PTPN14: variants seen among roughly 807,000 people sequenced by gnomAD.
The protein encoded by PTPN14 is protein tyrosine phosphatase non-receptor type 14.
Under a neutral mutation model 126.8 loss-of-function variants are expected in PTPN14, and 53 were observed. The ratio of observed to expected loss-of-function variants is 0.42; its 90% CI spans 0.34 to 0.53. The LOEUF (loss-of-function observed/expected upper bound fraction) is 0.53. Ranked by LOEUF, PTPN14 falls within the 20% of genes least tolerant of loss-of-function variation. The pLI, the probability that PTPN14 is intolerant of heterozygous loss-of-function variation, is 0.08. For synonymous variants in PTPN14, 630 were observed against 599.3 expected, an observed-to-expected ratio of 1.05 and a Z score of -0.75; for missense variants, 1,257 against 1,552.9, an observed-to-expected ratio of 0.81 and a Z score of 3.20.
intron 1 of PTPN14, among the ~76,000 whole-genome samples, chr1:214,501,364 C>G (rs902452212): frequency 2.0e-5 from 3 of 152,076 alleles, no homozygotes; most frequent in African/African-American, 7.2e-5. Flanking sequence ...CTCAGCCTCC[C>G]GAGTGGCTGG....
rs1656032700 is a variant in PTPN14, at chr1:214,548,702, T to A, written c.-155+2481A>T. Among the ~76,000 whole-genome samples the A allele has an allele frequency of 2.0e-5, 3 of 152,130 alleles. No homozygotes were observed. The South Asian group carries it at 6.2e-4, about 31-fold the overall frequency. Reference sequence around the variant, plus strand: ...TGATGTTTGCTTCCCCGGAGCAAATTTAAACCTCTAATAAGGAAGGAAGGC... The same window carrying A: ...TGATGTTTGCTTCCCCGGAGCAAATATAAACCTCTAATAAGGAAGGAAGGC... On this transcript the variant is annotated intron_variant, in intron 1 of 18. Coordinates refer to ENST00000366956, the MANE Select transcript of PTPN14 (RefSeq NM_005401.5).
intron 3 of PTPN14, among the ~76,000 whole-genome samples, chr1:214,420,193 A>G (rs1659513854): frequency 6.6e-6 from 1 of 152,252 alleles, no homozygotes; most frequent in Non-Finnish European, 1.5e-5. Context: ...AAAAGCTACA[A>G]CTAAAACTCT....
chr1:214,501,720 G>A (rs768518765), intron 1 of PTPN14, among the ~76,000 whole-genome samples: 1 of 152,108 alleles, frequency 6.6e-6, no homozygotes, highest in Non-Finnish European at 1.5e-5. Flanking sequence ...GCGTAGTATA[G>A]AGAAAAACCA....
intron 1 of PTPN14, among the ~76,000 whole-genome samples, chr1:214,486,460 A>G (rs746864029): frequency 5.3e-5 from 8 of 152,244 alleles, no homozygotes; most frequent in African/African-American, 1.9e-4. Flanking sequence ...AGTGGGATAC[A>G]GCAAAGTAAG....
In PTPN14 at chr1:214,384,288, C is replaced by A; in HGVS notation, c.1567G>T (p.Val523Leu). ...CTTGCCCCCGGCTTGCTTGGTACCA[C>A]ATTATTCTTTGGGTTCCTCTGGTCA... ...PSDQRNPKNN[V>L]VPSKPGASAI... The change falls in exon 13 of 19, where the codon GTG (valine) becomes TTG (leucine). Residue 523 changes from valine (V) to leucine (L), a missense_variant. Transcript: ENST00000366956. The surrounding 1 kb of genome is among the most constrained non-coding windows in gnomAD (Gnocchi z 5.3). The A allele has an allele frequency of 6.2e-7, 1 of 1,614,200 alleles. No homozygotes were observed. The highest frequency in any genetic ancestry group is 8.5e-7 in the Non-Finnish European group (1 of 1,180,026).
In PTPN14 at chr1:214,355,389, G is replaced by A. The variant is rs1354902608; in HGVS notation, c.*2533C>T. 6.6e-6 allele frequency: 1 copy of A among 152,200 alleles called. No homozygotes were observed. The highest frequency in any genetic ancestry group is 1.5e-5 in the Non-Finnish European group (1 of 68,034). The allele number at this position is 152,200 out of a possible 1,614,324, so 9.4% of individuals were successfully genotyped here. A position where few individuals can be genotyped will look rare whatever the true frequency, so the allele number is the denominator to read the frequency against. On this transcript the variant is annotated 3_prime_UTR_variant, in exon 19 of 19. Transcript: ENST00000366956. ...TTCATCACGCAATAAACCAGTAACT[G>A]AGACCACTTGCTAAAACATCCCTAA...
chr1:214,549,858 C>T (rs1220645620), intron 1 of PTPN14, among the ~76,000 whole-genome samples: 1 of 152,172 alleles, frequency 6.6e-6, no homozygotes, highest in East Asian at 1.9e-4. Flanking sequence ...AAGTGGCTAA[C>T]GTGCTTCTAG....
intron 1 of PTPN14, among the ~76,000 whole-genome samples, chr1:214,540,909 T>C (rs1463612768): frequency 6.6e-6 from 1 of 152,126 alleles, no homozygotes; most frequent in African/African-American, 2.4e-5. Flanking sequence ...GTTTTGAAGT[T>C]TTTTTGGACA....
chr1:214,534,917 C>T (rs537963894), intron 1 of PTPN14, among the ~76,000 whole-genome samples: 21 of 152,074 alleles, frequency 1.4e-4, no homozygotes, highest in African/African-American at 4.6e-4. Flanking sequence ...ACCTATTCAC[C>T]ATCCCCTCGC....
chr1:214,377,454 T>C (rs1658369750), intron 14 of PTPN14, among the ~76,000 whole-genome samples: 2 of 152,136 alleles, frequency 1.3e-5, no homozygotes, highest in South Asian at 4.2e-4. Flanking sequence ...GATGAAATAA[T>C]ACGTACAACA....
chr1:214,547,348 C>G (rs1655997977), intron 1 of PTPN14, among the ~76,000 whole-genome samples: 1 of 152,178 alleles, frequency 6.6e-6, no homozygotes, highest in South Asian at 2.1e-4. Context: ...AAAGATTTAA[C>G]CAATTCTTTG....
intron 13 of PTPN14, among the ~76,000 whole-genome samples, chr1:214,379,144 T>C (rs1278677909): frequency 6.6e-6 from 1 of 152,166 alleles, no homozygotes. Flanking sequence ...GCATTCCTCA[T>C]AGAAGCAGAT....
At chr1:214,403,576 G>C (rs1659089236) in intron 5 of PTPN14, among the ~76,000 whole-genome samples, 2 of 152,280 alleles carry the variant, frequency 1.3e-5, no homozygotes, top group Non-Finnish European at 2.9e-5. Context: ...GTGATGTGCT[G>C]ACTACTATGG....
intron 1 of PTPN14, among the ~76,000 whole-genome samples, chr1:214,472,907 T>A (rs1013778853): frequency 6.6e-6 from 1 of 152,208 alleles, no homozygotes; most frequent in Admixed American, 6.5e-5. Context: ...ATAAAAAGTG[T>A]TGTAGTGTGC....
Position 214,357,776 on chromosome 1 carries a change from T to A in PTPN14, c.*146A>T. 1 of 593,424 alleles carries A rather than the reference T, an allele frequency of 1.7e-6. No homozygotes were observed. The highest frequency in any genetic ancestry group is 3.0e-6 in the Non-Finnish European group (1 of 331,134). 36.8% of individuals were successfully genotyped at this position (593,424 alleles called of 1,614,324 possible). On this transcript the variant is annotated 3_prime_UTR_variant, in exon 19 of 19. Coordinates refer to ENST00000366956, the MANE Select transcript of PTPN14 (RefSeq NM_005401.5). ...CTCATATAAAATAATACATGGTATGTGTGAATAATCTTGGCTACTGTCTTC... is the reference window on the plus strand; with the variant it reads ...CTCATATAAAATAATACATGGTATGAGTGAATAATCTTGGCTACTGTCTTC...
chr1:214,531,397 T>G (rs1310212172), intron 1 of PTPN14: 2 of 152,070 alleles, frequency 1.3e-5, no homozygotes, highest in Non-Finnish European at 2.9e-5. Context: ...TTCTGAGGAT[T>G]TTTGACGTTT....
rs1341505880 is a variant in PTPN14, at chr1:214,384,552, T to C, written c.1303A>G (p.Ile435Val). Residue 435 changes from isoleucine (I) to valine (V), a missense_variant, in exon 13 of 19, where the codon ATC (isoleucine) becomes GTC (valine). Around this residue, in one of 3 missense-constraint regions of PTPN14, gnomAD observed 1,021 missense variants for 1,183.3 expected, o/e 0.86. Coordinates refer to ENST00000366956, the MANE Select transcript of PTPN14 (RefSeq NM_005401.5). This position sits in a 1 kb window ranked among gnomAD's most constrained non-coding sequence, Gnocchi z 5.3. ...GGGGTTGGCCTGTACGAGGGCACGATGATCGCGCTGTGCCGGTGGCTCGGG... is the reference window on the plus strand; with the variant it reads ...GGGGTTGGCCTGTACGAGGGCACGACGATCGCGCTGTGCCGGTGGCTCGGG... ...YIPSHRHSAIIVPSYRPTPDY... is the reference protein window; with the variant it reads ...YIPSHRHSAIVVPSYRPTPDY... 16 of 1,614,044 alleles carry C rather than the reference T, an allele frequency of 9.9e-6. No individual in the cohort carries two copies. The highest frequency in any genetic ancestry group is 1.3e-5 in the African/African-American group (1 of 74,922).
intron 3 of PTPN14, among the ~76,000 whole-genome samples, chr1:214,442,187 G>C (rs1660048980): frequency 6.6e-6 from 1 of 152,120 alleles, no homozygotes; most frequent in African/African-American, 2.4e-5. Flanking sequence ...AAACAGGTTA[G>C]TACCCCTTAT....
chr1:214,383,691 G>T lies in PTPN14; in HGVS notation c.2164C>A (p.Pro722Thr). The T allele has an allele frequency of 1.2e-6, 2 of 1,613,410 alleles. No homozygotes were observed. ...EEEEEAPESVPQIPMLREKME... is the reference protein window; with the variant it reads ...EEEEEAPESVTQIPMLREKME... The stretch of plus-strand genomic sequence containing the variant: ...TTCTCCCGGAGCATGGGGATCTGGG[G>T]CACCGATTCTGGAGCCTCCTCCTCC... Residue 722 changes from proline (P) to threonine (T), a missense_variant, in exon 13 of 19, where the codon CCC becomes ACC. Transcript: ENST00000366956. The surrounding 1 kb of genome is among the most constrained non-coding windows in gnomAD (Gnocchi z 4.4).
Sources: allele counts gnomAD v4.1 joint callset (sites outside exome capture counted in the v4.1 genomes callset), GRCh38; gene constraint gnomAD v4.1.1; regional missense constraint gnomAD v4.1.1; non-coding constraint Gnocchi (gnomAD v3.1); transcripts MANE v1.5; gene names NCBI Gene and HGNC (gene_info 2026-07-23, HGNC 2026-07-21).